The following LRP1B variants were observed in gnomAD, a reference collection of about 807,000 sequenced individuals.
The protein encoded by LRP1B is low-density lipoprotein receptor-related protein 1B.
LRP1B carries 217 observed loss-of-function variants against 556.6 expected under a neutral mutation model. The ratio of observed to expected loss-of-function variants is 0.39; its 90% CI spans 0.35 to 0.44. LRP1B has a LOEUF of 0.44. LRP1B is among the 20% of genes least tolerant of loss of function. The pLI is 1.00. For synonymous variants in LRP1B, 2,047 were observed against 1,865.8 expected (o/e 1.10, Z -2.50); for missense variants, 5,053 against 5,620.8 (o/e 0.90, Z 3.23).
chr2:140,534,267 T>A, intron 46 of LRP1B, 127 bp from the exon 47 acceptor site: 1 of 886,736 alleles, frequency 1.1e-6, no homozygotes, highest in Non-Finnish European at 1.7e-6. Flanking sequence ...TGCTGTGCCA[T>A]ATAATAGCTC....
At chr2:140,742,472 T>C (rs569885920) in intron 35 of LRP1B, among the ~76,000 whole-genome samples, 1 of 152,322 alleles carries the variant, frequency 6.6e-6, no homozygotes, top group Admixed American at 6.5e-5. Context: ...ATATATGTTA[T>C]ATCCCAAATC....
chr2:141,839,232 C>A (rs1419849732), intron 1 of LRP1B, among the ~76,000 whole-genome samples: 1 of 152,056 alleles, frequency 6.6e-6, no homozygotes, highest in African/African-American at 2.4e-5. Flanking sequence ...CTATAGAGAA[C>A]CAAATGGTGA....
chr2:140,373,664 C>G (rs1683093283), intron 68 of LRP1B, among the ~76,000 whole-genome samples: 1 of 152,052 alleles, frequency 6.6e-6, no homozygotes, highest in Non-Finnish European at 1.5e-5. Flanking sequence ...CCCAGCCACT[C>G]AAGAGGCTGA....
intron 1 of LRP1B, among the ~76,000 whole-genome samples, chr2:142,056,696 G>C (rs1427432448): frequency 6.6e-6 from 1 of 151,972 alleles, no homozygotes; most frequent in Non-Finnish European, 1.5e-5. Flanking sequence ...TTTTGTCCTT[G>C]CCATAGTCTT....
intron 1 of LRP1B, among the ~76,000 whole-genome samples, chr2:141,900,168 T>C (rs1355029804): frequency 6.6e-6 from 1 of 152,120 alleles, no homozygotes; most frequent in Admixed American, 6.6e-5. Context: ...TGCTTCAAAT[T>C]CTTGTCCTTT....
intron 21 of LRP1B, among the ~76,000 whole-genome samples, chr2:140,920,510 G>T (rs1027279991): frequency 6.6e-6 from 1 of 151,902 alleles, no homozygotes; most frequent in African/African-American, 2.4e-5. Flanking sequence ...TAGTTTAAAG[G>T]TCTTATAGCT....
chr2:141,088,246 CTTAG>C (rs1194224174), intron 7 of LRP1B, among the ~76,000 whole-genome samples: 3 of 152,068 alleles, frequency 2.0e-5, no homozygotes, highest in Non-Finnish European at 4.4e-5. Flanking sequence ...ATCTAAATTT[CTTAG>C]AAATTTATTG....
At chr2:140,336,864 G>A (rs1410515578) in intron 77 of LRP1B, among the ~76,000 whole-genome samples, 1 of 151,790 alleles carries the variant, frequency 6.6e-6, no homozygotes, top group African/African-American at 2.4e-5. Flanking sequence ...ACATGGCTAG[G>A]TTTATTGTGC....
chr2:141,878,802 C>A (rs1698857778), intron 1 of LRP1B, among the ~76,000 whole-genome samples: 1 of 151,876 alleles, frequency 6.6e-6, no homozygotes, highest in African/African-American at 2.4e-5. Flanking sequence ...ATCTTACAAT[C>A]TATTTGGAAT....
intron 1 of LRP1B, among the ~76,000 whole-genome samples, chr2:142,066,279 T>TTTTG (rs34146530): frequency 0.74 from 110,927 of 150,610 alleles, 41,334 homozygotes; most frequent in Non-Finnish European, 0.78. Flanking sequence ...AAGTCCAGTT[T>TTTTG]TTTGTTTAAC....
intron 2 of LRP1B, among the ~76,000 whole-genome samples, chr2:141,489,360 C>T (rs1318132574): frequency 6.6e-6 from 1 of 151,784 alleles, no homozygotes; most frequent in East Asian, 1.9e-4. Flanking sequence ...AAACTATCAT[C>T]TTTAGTATTT....
In LRP1B at chr2:140,932,910, C is replaced by CATATATATGTGTATATATAT. The variant is rs1203232457; in HGVS notation, c.3137-9764_3137-9763insATATATATACACATATATAT. Among the ~76,000 whole-genome samples the CATATATATGTGTATATATAT allele has an allele frequency of 4.3e-5, 6 of 139,834 alleles. No individual in the cohort carries two copies. In the East Asian group the frequency reaches 1.2e-3, roughly 28 times the overall value. The allele number at this position is 139,834 out of a possible 152,430, so 91.7% of individuals were successfully genotyped here. A position where few individuals can be genotyped will look rare whatever the true frequency, so the allele number is the denominator to read the frequency against. ...ATACACACACACACACACACACACA[C>CATATATATGTGTATATATAT]ACACACATATATATGTGTATATATA... On this transcript the variant is annotated intron_variant, in intron 20 of 90. Transcript: ENST00000389484.
intron 86 of LRP1B, among the ~76,000 whole-genome samples, chr2:140,264,671 A>G (rs1682106795): frequency 1.4e-5 from 1 of 70,662 alleles, no homozygotes; most frequent in African/African-American, 4.0e-5. Flanking sequence ...AATTCAGCCC[A>G]TAAAATGACA....
At chr2:140,700,168 A>G in intron 41 of LRP1B, 82 bp downstream of exon 41, 2 of 1,190,468 alleles carry the variant, frequency 1.7e-6, no homozygotes, top group Non-Finnish European at 2.4e-6. Context: ...TGTAATTGCT[A>G]CATGCAATTA....
At chr2:140,750,981 CTTTTTTTTTCTT>C (rs1243234928) in intron 35 of LRP1B, among the ~76,000 whole-genome samples, 1 of 115,224 alleles carries the variant, frequency 8.7e-6, no homozygotes, top group African/African-American at 3.2e-5. Context: ...AGTTATAACT[CTTTTTTTTTCTT>C]TTTTTTTTTT....
At chr2:140,683,886 C>T in intron 41 of LRP1B, 1 of 549,048 alleles carries the variant, frequency 1.8e-6, no homozygotes, top group South Asian at 1.9e-5. Context: ...CCCTGGCAGA[C>T]TGAGGGGTCC....
intron 1 of LRP1B, among the ~76,000 whole-genome samples, chr2:141,999,468 T>A (rs1055349538): frequency 6.6e-6 from 1 of 152,122 alleles, no homozygotes; most frequent in Admixed American, 6.6e-5. Context: ...CATAAAAGTT[T>A]GAAGATTTGA....
In LRP1B at chr2:141,469,285, C is replaced by T. The variant is rs576738186; in HGVS notation, c.343+11111G>A. On this transcript the variant is annotated intron_variant, in intron 3 of 90. Coordinates refer to ENST00000389484, the MANE Select transcript of LRP1B (RefSeq NM_018557.3). ...GATCTGATTCTGAAAAGACTGACTA[C>T]GGTGAGCTCAGAAGTAACCAGTCTC... Among the ~76,000 whole-genome samples the T allele has an allele frequency of 9.9e-5, 15 of 152,276 alleles. No homozygotes were observed. In the South Asian group the frequency reaches 3.1e-3, roughly 32 times the overall value.
At chr2:141,100,860 T>C (rs984587250) in intron 7 of LRP1B, among the ~76,000 whole-genome samples, 2 of 152,024 alleles carry the variant, frequency 1.3e-5, no homozygotes, top group Admixed American at 6.6e-5. Context: ...TTCCATGATA[T>C]AGTATGCCTG....
Sources: allele counts gnomAD v4.1 joint callset (sites outside exome capture counted in the v4.1 genomes callset), GRCh38; gene constraint gnomAD v4.1.1; transcripts MANE v1.5; gene names NCBI Gene and HGNC (gene_info 2026-07-23, HGNC 2026-07-21).